Variants in SLC9B2 observed in about 807,000 individuals in gnomAD.
SLC9B2 encodes solute carrier family 9 member B2, also known as sodium/hydrogen exchanger 9B2.
A neutral mutation model predicts 52.2 loss-of-function variants in SLC9B2; 39 were observed. That is an observed-to-expected ratio of 0.75 (90% CI 0.58 to 0.98). The LOEUF (loss-of-function observed/expected upper bound fraction) is 0.98, where lower values mean the gene tolerates loss of function less well. Ranked by LOEUF, SLC9B2 falls within the 50% of genes least tolerant of loss-of-function variation. SLC9B2 has a pLI of 0.00. For missense variants in SLC9B2, 626 were observed against 637.5 expected (o/e 0.98, Z 0.19); for synonymous variants, 214 against 227.0 (o/e 0.94, Z 0.51).
In SLC9B2 at chr4:103,022,339, A is replaced by C. The variant is rs1004283552; in HGVS notation, c.*4031T>G. ...GGCTTAGCATTCATTATATACAAAA[A>C]AATTCTTCAATCTACATAGCATCAT... On this transcript the variant is annotated 3_prime_UTR_variant, in exon 12 of 12. Transcript: ENST00000394785. 6.6e-6 allele frequency among the ~76,000 whole-genome samples: 1 copy of C among 152,238 alleles called. No homozygotes were observed. Among genetic ancestry groups the C allele is most frequent in the African/African-American group, 2.4e-5 (1 of 41,458 alleles).
In SLC9B2 at chr4:103,061,289, GA is replaced by G. The variant is rs551787306; in HGVS notation, c.272-3319del. Among the ~76,000 whole-genome samples the G allele has an allele frequency of 7.2e-3, 1,091 of 152,270 alleles. 19 individuals are homozygous for G. The highest frequency in any genetic ancestry group is 0.025 in the African/African-American group (1,032 of 41,554). ...GTCCAACAATGATAGACTGGATTAA[GA>G]AAATGTGGCACATACACACCATGGA... On this transcript the variant is annotated intron_variant, in intron 3 of 11. Coordinates refer to ENST00000394785, the MANE Select transcript of SLC9B2 (RefSeq NM_178833.7).
chr4:103,038,470 T>C (rs555359009), intron 9 of SLC9B2, among the ~76,000 whole-genome samples: 1 of 152,322 alleles, frequency 6.6e-6, no homozygotes, highest in African/African-American at 2.4e-5. Context: ...TGTATCTTCT[T>C]GTGGGTTTTT....
chr4:103,045,794 C>T (rs1399305616), intron 7 of SLC9B2, among the ~76,000 whole-genome samples: 1 of 152,106 alleles, frequency 6.6e-6, no homozygotes, highest in East Asian at 1.9e-4. Flanking sequence ...GTTTCCACTC[C>T]AAAAGGTTCT....
Position 103,028,886 on chromosome 4 carries a change from G to A in SLC9B2, c.1256-3C>T, listed in dbSNP as rs780221167. 4.6e-6 allele frequency: 7 copies of A among 1,533,582 alleles called. No individual in the cohort carries two copies. The South Asian group carries it at 7.8e-5, about 17-fold the overall frequency. 95.0% of individuals were successfully genotyped at this position (1,533,582 alleles called of 1,614,324 possible). ...GCCTACGGTGGCAACACAAAGGCCT[G>A]TAAGAAATATTCAATTTTTAGAAAT... On this transcript the variant is annotated splice_region_variant and splice_polypyrimidine_tract_variant and intron_variant, in intron 10 of 11. Transcript: ENST00000394785.
chr4:103,040,553 G>C (rs1743544055), intron 9 of SLC9B2, among the ~76,000 whole-genome samples: 1 of 152,166 alleles, frequency 6.6e-6, no homozygotes. Flanking sequence ...GTGTATAAAA[G>C]ATAAGCCCAG....
intron 4 of SLC9B2, among the ~76,000 whole-genome samples, chr4:103,057,395 C>T (rs1268313809): frequency 6.6e-6 from 1 of 151,974 alleles, no homozygotes; most frequent in African/African-American, 2.4e-5. Flanking sequence ...CCTCGACCTC[C>T]TGGGTTCAGT....
chr4:103,036,437 T>G (rs1453137279), intron 9 of SLC9B2, among the ~76,000 whole-genome samples: 1 of 151,848 alleles, frequency 6.6e-6, no homozygotes, highest in Non-Finnish European at 1.5e-5. Flanking sequence ...GTGACAAAAT[T>G]GTCTGTACTC....
chr4:103,064,455 G>A (rs1235252855), intron 3 of SLC9B2, among the ~76,000 whole-genome samples: 1 of 152,138 alleles, frequency 6.6e-6, no homozygotes, highest in Admixed American at 6.5e-5. Context: ...TTGTTCATAT[G>A]GAAATAGTAA....
intron 9 of SLC9B2, 147 bp from the exon 10 acceptor site, chr4:103,031,955 CA>C: frequency 1.5e-6 from 1 of 664,932 alleles, no homozygotes; most frequent in South Asian, 2.2e-5. Flanking sequence ...TAGAACAGAG[CA>C]AAAAAACTGC....
intron 10 of SLC9B2, among the ~76,000 whole-genome samples, chr4:103,030,393 T>A (rs933244889): frequency 2.6e-5 from 4 of 151,970 alleles, no homozygotes; most frequent in Non-Finnish European, 4.4e-5. Flanking sequence ...TGTTAGAGGG[T>A]CAAAAGCAGC....
intron 3 of SLC9B2, among the ~76,000 whole-genome samples, chr4:103,063,440 T>A (rs865862336): frequency 6.6e-6 from 1 of 152,198 alleles, no homozygotes; most frequent in South Asian, 2.1e-4. Context: ...CCACAAAGTA[T>A]AACTATGGAA....
intron 2 of SLC9B2, among the ~76,000 whole-genome samples, chr4:103,066,883 T>C (rs917005448): frequency 6.6e-6 from 1 of 152,014 alleles, no homozygotes; most frequent in African/African-American, 2.4e-5. Flanking sequence ...TAAAATATTA[T>C]ATAAAATTAC....
At chr4:103,048,739 G>A in intron 6 of SLC9B2, 154 bp downstream of exon 6, 1 of 946,742 alleles carries the variant, frequency 1.1e-6, no homozygotes. Context: ...CATAAACTAT[G>A]TTTTGAAGTT....
intron 11 of SLC9B2, among the ~76,000 whole-genome samples, chr4:103,027,694 C>A (rs1292945988): frequency 6.6e-6 from 1 of 152,112 alleles, no homozygotes; most frequent in Non-Finnish European, 1.5e-5. Context: ...TGAATGACCC[C>A]TTTCCCTTCT....
chr4:103,067,307 T>A (rs1304339458), intron 2 of SLC9B2, among the ~76,000 whole-genome samples, 154 bp downstream of exon 2: 1 of 152,186 alleles, frequency 6.6e-6, no homozygotes, highest in Non-Finnish European at 1.5e-5. Flanking sequence ...GCTCTCCATT[T>A]TTCTAGTTAC....
chr4:103,067,559 A>C lies in SLC9B2; in HGVS notation c.-9T>G. Reference sequence around the variant, plus strand: ...TTATCTTCATCCCCCATTATTTATAATTAAGAAGATGACACAGGGAAGAGG... The same window carrying C: ...TTATCTTCATCCCCCATTATTTATACTTAAGAAGATGACACAGGGAAGAGG... On this transcript the variant is annotated 5_prime_UTR_variant, in exon 2 of 12. Coordinates refer to ENST00000394785, the MANE Select transcript of SLC9B2 (RefSeq NM_178833.7). 6.3e-7 allele frequency: 1 copy of C among 1,589,480 alleles called. No homozygotes were observed. Among genetic ancestry groups the C allele is most frequent in the Non-Finnish European group, 8.6e-7 (1 of 1,158,318 alleles).
Position 103,025,478 on chromosome 4 carries a change from C to T in SLC9B2, c.*892G>A, listed in dbSNP as rs114494669. ...AGCAGAGTAACCCTGTTGGTATTAA[C>T]GAACCAGCCAGTTTCATTAGACAGA... On this transcript the variant is annotated 3_prime_UTR_variant, in exon 12 of 12. Coordinates refer to ENST00000394785, the MANE Select transcript of SLC9B2 (RefSeq NM_178833.7). 312 of 152,260 alleles carry T rather than the reference C, an allele frequency of 2.0e-3. No individual in the cohort carries two copies. Among genetic ancestry groups the T allele is most frequent in the African/African-American group, 6.9e-3 (288 of 41,536 alleles). The allele number at this position is 152,260 out of a possible 1,614,324, so 9.4% of individuals were successfully genotyped here.
At chr4:103,072,054 A>ATTTTTTTTTTTTT (rs1375668319) in intron 1 of SLC9B2, among the ~76,000 whole-genome samples, 21 of 62,450 alleles carry the variant, frequency 3.4e-4, no homozygotes, top group African/African-American at 1.6e-3. Context: ...TTTGGCTTTC[A>ATTTTTTTTTTTTT]TGTTTTTTTT....
chr4:103,057,871 A>G lies in SLC9B2; in HGVS notation c.372T>C (p.Cys124=). 6.2e-7 allele frequency: 1 copy of G among 1,613,894 alleles called. No homozygotes were observed. The highest frequency in any genetic ancestry group is 8.5e-7 in the Non-Finnish European group (1 of 1,179,964). ...NLFGIIILFY[C]AIIGGKLLGL... is the part of the protein sequence containing the mutation. ...CCAAAAGTTTACCACCAATGATGGCACAATAGAATAGGATTATAATTCCAA... is the reference window on the plus strand; with the variant it reads ...CCAAAAGTTTACCACCAATGATGGCGCAATAGAATAGGATTATAATTCCAA... Residue 124 remains cysteine, a synonymous_variant, in exon 4 of 12, where the codon TGT becomes TGC. Coordinates refer to ENST00000394785, the MANE Select transcript of SLC9B2 (RefSeq NM_178833.7).
Sources: gnomAD v4.1 joint callset for allele counts (sites outside exome capture counted in the v4.1 genomes callset) on GRCh38, gnomAD v4.1.1 for gene constraint, MANE v1.5 for transcripts, NCBI Gene and HGNC (gene_info 2026-07-23, HGNC 2026-07-21) for gene names.